PRRX1: variants seen among roughly 807,000 people sequenced by gnomAD.
PRRX1 encodes paired related homeobox 1, also known as paired mesoderm homeobox protein 1.
In PRRX1, 8 loss-of-function variants were observed where a neutral mutation model predicts 24.0. The ratio of observed to expected loss-of-function variants is 0.33; its 90% CI spans 0.20 to 0.60. PRRX1 has a LOEUF of 0.60. Among genes scored for constraint, PRRX1 ranks in the 20% least tolerant of loss-of-function variants. The probability of loss-of-function intolerance (pLI) is 0.82; values close to 1 mark genes in which losing one functional copy is unlikely to be tolerated. For synonymous variants in PRRX1, 160 were observed against 131.7 expected, an observed-to-expected ratio of 1.22 and a Z score of -1.47; for missense variants, 281 against 322.4, an observed-to-expected ratio of 0.87 and a Z score of 0.98.
Position 170,726,266 on chromosome 1 carries a change from C to T in PRRX1, c.464C>T (p.Ala155Val). The T allele has an allele frequency of 1.9e-6, 3 of 1,614,002 alleles. No individual in the cohort carries two copies. The highest frequency in any genetic ancestry group is 1.3e-5 in the African/African-American group (1 of 75,026). The part of the protein sequence containing the change: ...RRAKFRRNER[A>V]MLANKNASLL... ...GCCAAGTTCCGCAGGAATGAGAGAG[C>T]CATGCTAGCCAATAAAAACGCTTCC... Residue 155 changes from alanine (A) to valine (V), a missense_variant, in exon 3 of 4, where the codon GCC becomes GTC. Transcript: ENST00000239461.
intron 3 of PRRX1, chr1:170,727,117 CTGTG>C (rs1169801978): frequency 6.6e-6 from 1 of 151,642 alleles, no homozygotes; most frequent in African/African-American, 2.4e-5. Context: ...GTGTGTGTGT[CTGTG>C]TGTGTTTCTT....
At chr1:170,701,457 T>C (rs1654356498) in intron 1 of PRRX1, among the ~76,000 whole-genome samples, 1 of 152,206 alleles carries the variant, frequency 6.6e-6, no homozygotes, top group African/African-American at 2.4e-5. Flanking sequence ...TAAAGGCTCA[T>C]ATAATCCTTG....
At chr1:170,683,994 A>G (rs1653644295) in intron 1 of PRRX1, among the ~76,000 whole-genome samples, 2 of 152,214 alleles carry the variant, frequency 1.3e-5, no homozygotes, top group South Asian at 4.1e-4. Context: ...CATTGTATTC[A>G]GCATCATGCC....
chr1:170,673,346 G>T (rs1271586090), intron 1 of PRRX1, among the ~76,000 whole-genome samples: 1 of 152,172 alleles, frequency 6.6e-6, no homozygotes, highest in Non-Finnish European at 1.5e-5. Flanking sequence ...GACTCCAGCA[G>T]TAGTATACTA....
chr1:170,664,636 C>A (rs1652851710), intron 1 of PRRX1, among the ~76,000 whole-genome samples, 177 bp downstream of exon 1: 1 of 152,216 alleles, frequency 6.6e-6, no homozygotes, highest in South Asian at 2.1e-4. Context: ...AAAAGCGGGT[C>A]TCGGCCGAGG....
chr1:170,680,756 A>G (rs989081510), intron 1 of PRRX1, among the ~76,000 whole-genome samples: 4 of 152,164 alleles, frequency 2.6e-5, no homozygotes, highest in Admixed American at 1.3e-4. Context: ...CACCTTCTCA[A>G]TGAGTTTTCC....
intron 3 of PRRX1, chr1:170,727,453 C>G (rs926338533): frequency 6.6e-6 from 1 of 152,058 alleles, no homozygotes; most frequent in South Asian, 2.1e-4. Context: ...TTTTGTTTAC[C>G]TTTTTATTGT....
chr1:170,679,505 T>C (rs917735052), intron 1 of PRRX1, among the ~76,000 whole-genome samples: 3 of 152,162 alleles, frequency 2.0e-5, no homozygotes, highest in Non-Finnish European at 4.4e-5. Flanking sequence ...GTTCATGCCA[T>C]TCTCCTGCCT....
intron 2 of PRRX1, among the ~76,000 whole-genome samples, chr1:170,722,292 A>G (rs550034928): frequency 6.6e-6 from 1 of 152,230 alleles, no homozygotes; most frequent in East Asian, 1.9e-4. Flanking sequence ...ATCTGGGCCA[A>G]CTTCCCCCAC....
intron 1 of PRRX1, among the ~76,000 whole-genome samples, chr1:170,716,297 CA>C (rs957183158): frequency 1.3e-5 from 2 of 152,132 alleles, no homozygotes; most frequent in Admixed American, 6.5e-5. Context: ...AAAATGTATC[CA>C]TGTAGGCCAG....
chr1:170,713,274 C>A (rs1056552674), intron 1 of PRRX1, among the ~76,000 whole-genome samples: 12 of 152,036 alleles, frequency 7.9e-5, no homozygotes, highest in African/African-American at 2.9e-4. Context: ...CCACATAATG[C>A]GGTGGGGTGG....
Position 170,719,707 on chromosome 1 carries a change from T to G in PRRX1, c.242-19T>G. The G allele has an allele frequency of 6.2e-7, 1 of 1,613,666 alleles. No individual in the cohort carries two copies. Among genetic ancestry groups the G allele is most frequent in the Non-Finnish European group, 8.5e-7 (1 of 1,179,750 alleles). ...CTACAGTGAATTTGGCTTCTTTTCATCATTGTGTTCTATTCCAGATGACCA... is the reference window on the plus strand; with the variant it reads ...CTACAGTGAATTTGGCTTCTTTTCAGCATTGTGTTCTATTCCAGATGACCA... On this transcript the variant is annotated intron_variant, in intron 1 of 3. Coordinates refer to ENST00000239461, the MANE Select transcript of PRRX1 (RefSeq NM_022716.4).
Position 170,719,920 on chromosome 1 carries a change from G to A in PRRX1, c.417+19G>A, listed in dbSNP as rs776646833. 36 of 1,613,330 alleles carry A rather than the reference G, an allele frequency of 2.2e-5. No homozygotes were observed. The highest frequency in any genetic ancestry group is 3.1e-5 in the Non-Finnish European group (36 of 1,179,800). On this transcript the variant is annotated intron_variant, in intron 2 of 3. Transcript: ENST00000239461. ...AGTGCAGGTAACTCAAGCTGTGAGAGGCTGGCACCAAGTAGTACCCTCCTC... is the reference window on the plus strand; with the variant it reads ...AGTGCAGGTAACTCAAGCTGTGAGAAGCTGGCACCAAGTAGTACCCTCCTC...
intron 1 of PRRX1, among the ~76,000 whole-genome samples, chr1:170,717,566 AT>A (rs1654945375): frequency 6.6e-6 from 1 of 152,122 alleles, no homozygotes; most frequent in African/African-American, 2.4e-5. Context: ...TTAGTGTCTA[AT>A]TGGTCTCAGT....
chr1:170,668,053 GCTTT>G (rs1423668889), intron 1 of PRRX1: 1 of 150,384 alleles, frequency 6.6e-6, no homozygotes, highest in East Asian at 2.0e-4. Context: ...TCTGTAGAAT[GCTTT>G]CTTTCACTTT....
chr1:170,681,958 A>G (rs909292249), intron 1 of PRRX1, among the ~76,000 whole-genome samples: 1 of 152,188 alleles, frequency 6.6e-6, no homozygotes, highest in East Asian at 1.9e-4. Flanking sequence ...AGATTCAGAC[A>G]GTTGTTTCTA....
intron 1 of PRRX1, 127 bp from the exon 2 acceptor site, chr1:170,719,599 G>C: frequency 1.9e-6 from 2 of 1,066,628 alleles, no homozygotes; most frequent in South Asian, 2.7e-5. Flanking sequence ...GTGGCATTTG[G>C]CTATAGGACT....
At chr1:170,728,316 G>A (rs1212568548) in intron 3 of PRRX1, 1 of 152,124 alleles carries the variant, frequency 6.6e-6, no homozygotes. Context: ...TTATTAACGT[G>A]GCAATTTATG....
chr1:170,716,040 G>A (rs989487327), intron 1 of PRRX1, among the ~76,000 whole-genome samples: 10 of 152,282 alleles, frequency 6.6e-5, no homozygotes, highest in Admixed American at 2.0e-4. Flanking sequence ...GGCAAGTCAC[G>A]TTGTTCTTCT....
Sources: gnomAD v4.1 joint callset for allele counts (sites outside exome capture counted in the v4.1 genomes callset) on GRCh38, gnomAD v4.1.1 for gene constraint, MANE v1.5 for transcripts, NCBI Gene and HGNC (gene_info 2026-07-23, HGNC 2026-07-21) for gene names.